ENOX2: variants seen among roughly 807,000 people sequenced by gnomAD.
ENOX2 encodes ecto-NOX disulfide-thiol exchanger 2, also known as APK1 antigen.
A neutral mutation model predicts 45.0 loss-of-function variants in ENOX2; 36 were observed. The observed-to-expected ratio is 0.80, with a 90% CI of 0.61 to 1.06. ENOX2 has a LOEUF of 1.06. Ranked by LOEUF, ENOX2 falls within the 50% of genes least tolerant of loss-of-function variation. The pLI is 0.00. For synonymous variants in ENOX2, 174 were observed against 152.3 expected, an observed-to-expected ratio of 1.14 and a Z score of -1.05; for missense variants, 423 against 462.5, an observed-to-expected ratio of 0.91 and a Z score of 0.78.
At chrX:130,725,307 G>A (rs1458418000) in intron 3 of ENOX2, among the ~76,000 whole-genome samples, 2 of 107,138 alleles carry the variant, frequency 1.9e-5, no homozygotes, top group Non-Finnish European at 3.8e-5. Flanking sequence ...ATTGAGTCGA[G>A]CATGGATAGC....
chrX:130,825,756 C>G (rs984801249), intron 2 of ENOX2, among the ~76,000 whole-genome samples: 1 of 111,008 alleles, frequency 9.0e-6, no homozygotes, highest in Non-Finnish European at 1.9e-5. Context: ...TATACACTAC[C>G]TACCCATTAG....
At chrX:130,692,382 A>G (rs980981168) in intron 4 of ENOX2, among the ~76,000 whole-genome samples, 1 of 113,029 alleles carries the variant, frequency 8.8e-6, no homozygotes, top group African/African-American at 3.2e-5. Context: ...AGGAATTCAA[A>G]GTTTCAAAGA....
At chrX:130,695,488 A>T (rs1043695208) in intron 4 of ENOX2, among the ~76,000 whole-genome samples, 1 of 110,714 alleles carries the variant, frequency 9.0e-6, no homozygotes, top group African/African-American at 3.3e-5. Context: ...ACTTATCCCC[A>T]TCCAAGCTCC....
chrX:130,659,653 C>T (rs756430943), intron 9 of ENOX2, among the ~76,000 whole-genome samples: 10 of 112,366 alleles, frequency 8.9e-5, no homozygotes, highest in Admixed American at 1.9e-4. Context: ...TACAACTTAC[C>T]GCATTAGGAA....
intron 2 of ENOX2, among the ~76,000 whole-genome samples, chrX:130,893,131 T>G (rs868220692): frequency 1.8e-5 from 2 of 112,175 alleles, no homozygotes; most frequent in Non-Finnish European, 3.8e-5. Flanking sequence ...ATAATAACAA[T>G]TGGTGAATCT....
At chrX:130,862,575 G>GT (rs1370405659) in intron 2 of ENOX2, among the ~76,000 whole-genome samples, 2 of 109,952 alleles carry the variant, frequency 1.8e-5, no homozygotes, top group Non-Finnish European at 3.8e-5. Flanking sequence ...GAGTATGTGT[G>GT]TGAGAGGGGT....
chrX:130,758,034 A>C (rs1488820676), intron 3 of ENOX2, among the ~76,000 whole-genome samples: 1 of 112,456 alleles, frequency 8.9e-6, no homozygotes, highest in East Asian at 2.8e-4. Context: ...TATGAGAAGT[A>C]AAGCAGTCCT....
chrX:130,700,202 G>A (rs1286401814), intron 4 of ENOX2, among the ~76,000 whole-genome samples: 1 of 112,087 alleles, frequency 8.9e-6, no homozygotes, highest in Non-Finnish European at 1.9e-5. Context: ...ATAATACAGA[G>A]ATGAGAAAAA....
At chrX:130,684,398 T>C (rs773704710) in intron 5 of ENOX2, among the ~76,000 whole-genome samples, 13 of 112,325 alleles carry the variant, frequency 1.2e-4, no homozygotes, top group Non-Finnish European at 1.5e-4. Flanking sequence ...CTGTCCTCTA[T>C]ACTATAATAC....
intron 4 of ENOX2, among the ~76,000 whole-genome samples, chrX:130,698,847 A>AT (rs971576891): frequency 1.8e-5 from 2 of 111,742 alleles, no homozygotes; most frequent in Non-Finnish European, 3.8e-5. Flanking sequence ...AATATCTTTC[A>AT]TTATGGAGCA....
chrX:130,691,441 T>A (rs1040779813), intron 4 of ENOX2, among the ~76,000 whole-genome samples: 1 of 111,057 alleles, frequency 9.0e-6, no homozygotes, highest in Admixed American at 9.6e-5. Context: ...GTGTTGGGGG[T>A]GGTGTCTAGG....
At chrX:130,701,836 G>A (rs1290091398) in intron 4 of ENOX2, among the ~76,000 whole-genome samples, 1 of 112,263 alleles carries the variant, frequency 8.9e-6, no homozygotes, top group Non-Finnish European at 1.9e-5. Context: ...AGGATGTTTG[G>A]TTGTTCATTT....
intron 3 of ENOX2, among the ~76,000 whole-genome samples, chrX:130,719,570 A>AG (rs2038421136): frequency 2.7e-5 from 3 of 112,032 alleles, no homozygotes; most frequent in Non-Finnish European, 5.6e-5. Context: ...GCCTGGAACA[A>AG]GCAGGCAAAC....
Position 130,646,266 on chromosome X carries a change from C to T in ENOX2, c.1130-8856G>A, listed in dbSNP as rs1367676789. On this transcript the variant is annotated intron_variant, in intron 10 of 14. Transcript: ENST00000394363. ...CCCAGAGACTGCAGCATGAGAACAC[C>T]TACTGGGACCCCATAGCAAAGTACT... 1.2e-5 allele frequency: 5 copies of T among 404,711 alleles called. No homozygotes were observed. In the African/African-American group the frequency reaches 1.2e-4, roughly 10 times the overall value. The allele number at this position is 404,711 out of a possible 1,213,427, so 33.4% of individuals were successfully genotyped here.
In ENOX2 at chrX:130,688,947, C is replaced by T. The variant is rs746660820; in HGVS notation, c.169G>A (p.Val57Ile). ...ATATCTGGAGGAATTGGTGGAGGTA[C>T]TATTCCCAAACCAGGCATCATTGGA... is the stretch of plus-strand genomic sequence containing the variant. The part of the protein sequence containing the change: ...ITPMMPGLGI[V>I]PPPIPPDMPV... The change falls in exon 5 of 15, where the codon GTA (valine) becomes ATA (isoleucine). Residue 57 changes from valine to isoleucine, a missense_variant. This residue lies in a region of ENOX2 where 261 missense variants were observed against 306.8 expected (regional missense o/e 0.85). Coordinates refer to ENST00000394363, the MANE Select transcript of ENOX2 (RefSeq NM_006375.4). 3.8e-5 allele frequency: 46 copies of T among 1,198,737 alleles called. No individual in the cohort carries two copies. The highest frequency in any genetic ancestry group is 5.0e-5 in the Non-Finnish European group (44 of 885,099).
chrX:130,704,307 T>C (rs2037981067), intron 3 of ENOX2, among the ~76,000 whole-genome samples: 1 of 111,481 alleles, frequency 9.0e-6, no homozygotes, highest in African/African-American at 3.3e-5. Context: ...CAGATTTATA[T>C]AGAGCATGTC....
chrX:130,840,562 T>A (rs747653220), intron 2 of ENOX2, among the ~76,000 whole-genome samples: 11 of 109,032 alleles, frequency 1.0e-4, no homozygotes, highest in Non-Finnish European at 1.7e-4. Context: ...AATAAATAAA[T>A]AAAACAGTCT....
intron 5 of ENOX2, among the ~76,000 whole-genome samples, chrX:130,685,489 T>C (rs186652881): frequency 1.3e-3 from 146 of 111,965 alleles, no homozygotes; most frequent in Non-Finnish European, 2.3e-3. Flanking sequence ...ATTACAATAA[T>C]TTAGAAAATG....
intron 8 of ENOX2, among the ~76,000 whole-genome samples, chrX:130,666,950 T>C (rs1009502211): frequency 3.6e-5 from 4 of 112,161 alleles, no homozygotes; most frequent in African/African-American, 1.3e-4. Context: ...TCAGAGACCT[T>C]AGATAGGTTT....
Sources: allele counts gnomAD v4.1 joint callset (sites outside exome capture counted in the v4.1 genomes callset), GRCh38; gene constraint gnomAD v4.1.1; regional missense constraint gnomAD v4.1.1; transcripts MANE v1.5; gene names NCBI Gene and HGNC (gene_info 2026-07-23, HGNC 2026-07-21).